Variants in PRUNE2 observed in about 807,000 individuals in gnomAD.
The protein encoded by PRUNE2 is prune homolog 2 with BCH domain, also known as protein prune homolog 2.
Under a neutral mutation model 252.0 loss-of-function variants are expected in PRUNE2, and 164 were observed. That is an observed-to-expected ratio of 0.65 (90% confidence interval 0.57 to 0.74). PRUNE2 has a LOEUF of 0.74. Among genes scored for constraint, PRUNE2 ranks in the 30% least tolerant of loss-of-function variants. The probability of loss-of-function intolerance (pLI) is 0.00; values close to 1 mark genes in which losing one functional copy is unlikely to be tolerated. For synonymous variants in PRUNE2, 1,292 were observed against 1,350.2 expected (o/e 0.96, Z 0.94); for missense variants, 3,495 against 3,711.0 (o/e 0.94, Z 1.51).
intron 6 of PRUNE2, among the ~76,000 whole-genome samples, chr9:76,755,628 T>A (rs1338694411): frequency 6.6e-6 from 1 of 152,128 alleles, no homozygotes; most frequent in Non-Finnish European, 1.5e-5. Flanking sequence ...CAGATTCTGA[T>A]TCAGATACCT....
At chr9:76,717,674 C>T (rs1284361557) in intron 6 of PRUNE2, among the ~76,000 whole-genome samples, 1 of 151,342 alleles carries the variant, frequency 6.6e-6, no homozygotes, top group African/African-American at 2.4e-5. Flanking sequence ...GTTGAACTTA[C>T]CACCCCCCCC....
At chr9:76,838,239 T>C (rs1274524506) in intron 4 of PRUNE2, among the ~76,000 whole-genome samples, 1 of 35,890 alleles carries the variant, frequency 2.8e-5, no homozygotes, top group Non-Finnish European at 7.9e-5. Context: ...AGGGCAAACA[T>C]AATAAAATAG....
intron 6 of PRUNE2, among the ~76,000 whole-genome samples, chr9:76,753,414 T>C (rs2050802449): frequency 6.6e-6 from 1 of 152,178 alleles, no homozygotes; most frequent in Non-Finnish European, 1.5e-5. Flanking sequence ...GCCATCTGCT[T>C]ATGTAGGCCT....
intron 10 of PRUNE2, among the ~76,000 whole-genome samples, chr9:76,653,230 G>C (rs1009095764): frequency 6.6e-6 from 1 of 152,098 alleles, no homozygotes; most frequent in Non-Finnish European, 1.5e-5. Context: ...TTTTCACGGG[G>C]TATACTGCAT....
chr9:76,778,198 C>A (rs1045965023), intron 6 of PRUNE2, among the ~76,000 whole-genome samples: 1 of 152,194 alleles, frequency 6.6e-6, no homozygotes, highest in African/African-American at 2.4e-5. Flanking sequence ...CAAGTCAAGG[C>A]TGAGGAAGAC....
intron 6 of PRUNE2, among the ~76,000 whole-genome samples, chr9:76,813,667 T>TTA (rs1210738100): frequency 2.6e-5 from 4 of 152,216 alleles, no homozygotes; most frequent in Non-Finnish European, 4.4e-5. Flanking sequence ...TTTGTTGCAA[T>TTA]TACACTCATT....
At chr9:76,824,624 G>C (rs1443937551) in intron 5 of PRUNE2, among the ~76,000 whole-genome samples, 1 of 152,138 alleles carries the variant, frequency 6.6e-6, no homozygotes, top group East Asian at 1.9e-4. Flanking sequence ...CAAAGGATCT[G>C]GCTCGACATT....
intron 1 of PRUNE2, among the ~76,000 whole-genome samples, chr9:76,884,849 G>T (rs1201425038): frequency 6.6e-6 from 1 of 152,190 alleles, no homozygotes; most frequent in African/African-American, 2.4e-5. Context: ...AGGTAACACA[G>T]CTCCTACTTA....
At chr9:76,889,844 A>G (rs752352219) in intron 1 of PRUNE2, among the ~76,000 whole-genome samples, 8 of 151,968 alleles carry the variant, frequency 5.3e-5, no homozygotes, top group Non-Finnish European at 1.5e-5. Context: ...CTGGACACTC[A>G]CTACTCAGAT....
intron 9 of PRUNE2, among the ~76,000 whole-genome samples, chr9:76,693,804 AT>A (rs2045082687): frequency 6.6e-6 from 1 of 152,144 alleles, no homozygotes; most frequent in South Asian, 2.1e-4. Flanking sequence ...TTCTATCTTT[AT>A]TTAAACTAAA....
At position 76,709,063 on chromosome 9, in the gene PRUNE2, C is replaced by T. The variant is rs192767331; in HGVS notation, c.3211G>A (p.Val1071Ile). The change falls in exon 8 of 19, where the codon GTC becomes ATC. Residue 1071 changes from valine (V) to isoleucine (I), a missense_variant. Transcript: ENST00000376718. Reference sequence around the variant, plus strand: ...TAACTGGACTGGCTGCTTTCCCCGACGTCATCCTCCATGGAGATATTCTTA... The same window carrying T: ...TAACTGGACTGGCTGCTTTCCCCGATGTCATCCTCCATGGAGATATTCTTA... Reference protein sequence around the residue: ...DGKNISMEDDVGESSQSSYDD... With the variant: ...DGKNISMEDDIGESSQSSYDD... 100 of 1,613,954 alleles carry T rather than the reference C, an allele frequency of 6.2e-5. No individual in the cohort carries two copies. In the Admixed American group the frequency reaches 1.3e-3, roughly 21 times the overall value.
intron 6 of PRUNE2, among the ~76,000 whole-genome samples, chr9:76,776,821 T>G (rs963044809): frequency 4.3e-5 from 5 of 117,208 alleles, no homozygotes; most frequent in Non-Finnish European, 6.5e-5. Context: ...CAGCCAGCAG[T>G]TTTTTTTTTT....
chr9:76,775,339 C>T (rs913846364), intron 6 of PRUNE2, among the ~76,000 whole-genome samples: 2 of 152,182 alleles, frequency 1.3e-5, no homozygotes, highest in African/African-American at 2.4e-5. Context: ...CTCTGTCTCC[C>T]AGCCTGGAGT....
chr9:76,846,463 G>C (rs758361307), intron 4 of PRUNE2, 52 bp downstream of exon 4: 18 of 1,504,240 alleles, frequency 1.2e-5, no homozygotes, highest in Admixed American at 1.8e-5. Flanking sequence ...GAGCAGGCTG[G>C]GAGACACTCC....
In PRUNE2 at chr9:76,846,665, A is replaced by C; in HGVS notation, c.358T>G (p.Leu120Val). 1 of 1,613,836 alleles carries C rather than the reference A, an allele frequency of 6.2e-7. No homozygotes were observed. Among genetic ancestry groups the C allele is most frequent in the African/African-American group, 1.3e-5 (1 of 75,030 alleles). ...ATGACTTTGACAACTGCTGATTCTA[A>C]AGTTTTGTCTTCACTGTAAAGCAAA... ...SSVLASEDKT[L>V]ESAVVKVINP... The change falls in exon 4 of 19, where the codon TTA (leucine) becomes GTA (valine). Residue 120 changes from leucine (L) to valine (V), a missense_variant. Coordinates refer to ENST00000376718, the MANE Select transcript of PRUNE2 (RefSeq NM_015225.3).
intron 1 of PRUNE2, among the ~76,000 whole-genome samples, chr9:76,871,602 C>G (rs542652856): frequency 6.6e-6 from 1 of 152,282 alleles, no homozygotes; most frequent in South Asian, 2.1e-4. Context: ...AGTGGTCAAT[C>G]TTGATTATCT....
intron 6 of PRUNE2, among the ~76,000 whole-genome samples, chr9:76,800,565 T>G (rs561529779): frequency 6.6e-6 from 1 of 152,364 alleles, no homozygotes; most frequent in Admixed American, 6.5e-5. Flanking sequence ...CCTTTAATTG[T>G]CAGCCCAAAG....
intron 6 of PRUNE2, among the ~76,000 whole-genome samples, chr9:76,798,977 A>G: frequency 6.6e-6 from 1 of 152,218 alleles, no homozygotes; most frequent in South Asian, 2.1e-4. Flanking sequence ...TTTTTGGAGA[A>G]TTACACTTAA....
intron 6 of PRUNE2, among the ~76,000 whole-genome samples, chr9:76,745,373 A>T (rs549665625): frequency 6.6e-6 from 1 of 152,194 alleles, no homozygotes; most frequent in Non-Finnish European, 1.5e-5. Context: ...AGAGATCACA[A>T]GACGTACAAC....
Sources: gnomAD v4.1 joint callset for allele counts (sites outside exome capture counted in the v4.1 genomes callset) on GRCh38, gnomAD v4.1.1 for gene constraint, MANE v1.5 for transcripts, NCBI Gene and HGNC (gene_info 2026-07-23, HGNC 2026-07-21) for gene names.